Variants in TENM4 observed in about 807,000 individuals in gnomAD.
TENM4 encodes the protein teneurin transmembrane protein 4.
In TENM4, 82 loss-of-function variants were observed where a neutral mutation model predicts 243.3. That is an observed-to-expected ratio of 0.34 (90% CI 0.28 to 0.40). TENM4 has a LOEUF of 0.40. Among genes scored for constraint, TENM4 ranks in the 10% least tolerant of loss-of-function variants. TENM4 has a pLI of 1.00. For missense variants in TENM4, 3,138 were observed against 3,673.3 expected, an observed-to-expected ratio of 0.85 and a Z score of 3.77; for synonymous variants, 1,412 against 1,456.3, an observed-to-expected ratio of 0.97 and a Z score of 0.69.
intron 4 of TENM4, among the ~76,000 whole-genome samples, chr11:79,140,711 C>A (rs1048374829): frequency 1.3e-4 from 19 of 151,992 alleles, no homozygotes; most frequent in African/African-American, 3.4e-4. Context: ...AGAATAGAAG[C>A]CTTCGTTGTC....
At chr11:79,057,188 C>T (rs990043224) in intron 6 of TENM4, among the ~76,000 whole-genome samples, 1 of 152,170 alleles carries the variant, frequency 6.6e-6, no homozygotes, top group African/African-American at 2.4e-5. Context: ...CTTCCAGAAT[C>T]ATCCTGTTCA....
chr11:78,880,414 C>G (rs1418691383), intron 9 of TENM4, among the ~76,000 whole-genome samples: 1 of 145,178 alleles, frequency 6.9e-6, no homozygotes, highest in Non-Finnish European at 1.5e-5. Flanking sequence ...GACCCTGCCA[C>G]ATCCCCCTCT....
intron 1 of TENM4, among the ~76,000 whole-genome samples, chr11:79,398,954 C>G (rs1858403089): frequency 6.6e-6 from 1 of 151,878 alleles, no homozygotes; most frequent in Non-Finnish European, 1.5e-5. Context: ...GCATTCCAAG[C>G]AGAAGGAACA....
Position 78,805,464 on chromosome 11 carries a change from G to C in TENM4, c.2007C>G (p.Gly669=). The change falls in exon 15 of 34, where the codon GGC becomes GGG. Residue 669 remains glycine, a synonymous_variant. Transcript: ENST00000278550. ...ATTCGCCTCTCACGCAGACACCCCG[G>C]CCTGAACATGTGGGGTCCATGCAGT... is the stretch of plus-strand genomic sequence containing the variant. The part of the protein sequence containing the change: ...EVDCMDPTCS[G]RGVCVRGECH... The C allele has an allele frequency of 6.3e-7, 1 of 1,588,402 alleles. No individual in the cohort carries two copies. The highest frequency in any genetic ancestry group is 8.6e-7 in the Non-Finnish European group (1 of 1,166,942).
In TENM4 at chr11:78,698,795, C is replaced by G. The variant is rs187680029; in HGVS notation, c.5087+2731G>C. Among the ~76,000 whole-genome samples, 9 of 152,334 alleles carry G rather than the reference C, an allele frequency of 5.9e-5. No homozygotes were observed. The East Asian group carries it at 1.5e-3, about 26-fold the overall frequency. Reference sequence around the variant, plus strand: ...GGGTCTGGAGGCCAGCTAGCCTGTCCCTGAGTCACATGGCTCGCAGCCAGT... The same window carrying G: ...GGGTCTGGAGGCCAGCTAGCCTGTCGCTGAGTCACATGGCTCGCAGCCAGT... On this transcript the variant is annotated intron_variant, in intron 28 of 33. Transcript: ENST00000278550.
intron 3 of TENM4, among the ~76,000 whole-genome samples, chr11:79,164,645 A>G (rs917141233): frequency 1.3e-4 from 20 of 148,874 alleles, no homozygotes; most frequent in African/African-American, 4.0e-4. Flanking sequence ...CTTGACTTGT[A>G]TCTCCCAGAA....
intron 15 of TENM4, among the ~76,000 whole-genome samples, chr11:78,802,618 C>G (rs1857302349): frequency 6.6e-6 from 1 of 152,256 alleles, no homozygotes; most frequent in Non-Finnish European, 1.5e-5. Context: ...CCCTCACCAG[C>G]ATGGCTCATG....
intron 32 of TENM4, among the ~76,000 whole-genome samples, chr11:78,663,409 G>C (rs764557471): frequency 6.6e-6 from 1 of 152,188 alleles, no homozygotes; most frequent in Non-Finnish European, 1.5e-5. Flanking sequence ...GTGGCCTAAT[G>C]GGGGGAGTTT....
intron 2 of TENM4, among the ~76,000 whole-genome samples, chr11:79,280,898 G>C (rs746943272): frequency 2.0e-5 from 3 of 152,062 alleles, no homozygotes; most frequent in Non-Finnish European, 4.4e-5. Flanking sequence ...TGGCCCACTC[G>C]GCAAAATAAA....
chr11:78,752,982 G>A (rs180843484), intron 19 of TENM4, among the ~76,000 whole-genome samples: 46 of 152,218 alleles, frequency 3.0e-4, no homozygotes, highest in African/African-American at 1.1e-3. Flanking sequence ...TGTACTTTTT[G>A]TTCCCATTTA....
At chr11:78,903,799 T>C (rs1434399685) in intron 6 of TENM4, 2 of 689,576 alleles carry the variant, frequency 2.9e-6, no homozygotes, top group Non-Finnish European at 5.3e-6. Context: ...TAAAAAAGAC[T>C]AGTTACCCAT....
At chr11:79,426,786 G>A (rs905791469) in intron 1 of TENM4, among the ~76,000 whole-genome samples, 18 of 152,164 alleles carry the variant, frequency 1.2e-4, no homozygotes, top group African/African-American at 1.7e-4. Flanking sequence ...GATGAGTTTC[G>A]GATGTGTTAG....
intron 17 of TENM4, among the ~76,000 whole-genome samples, chr11:78,777,105 A>G (rs922312791): frequency 4.6e-5 from 7 of 152,236 alleles, no homozygotes; most frequent in Admixed American, 4.6e-4. Flanking sequence ...AACTTCACAT[A>G]GTAGGAAAAT....
At chr11:78,872,245 C>G (rs955399442) in intron 9 of TENM4, among the ~76,000 whole-genome samples, 1 of 152,142 alleles carries the variant, frequency 6.6e-6, no homozygotes, top group East Asian at 1.9e-4. Flanking sequence ...GACAAAAATG[C>G]AGCTTTTGTC....
chr11:78,807,464 T>C (rs770783428), intron 14 of TENM4, among the ~76,000 whole-genome samples: 8 of 152,210 alleles, frequency 5.3e-5, no homozygotes, highest in Admixed American at 1.3e-4. Flanking sequence ...ACCTCTAATC[T>C]TCTGCAAAGC....
At chr11:79,077,856 C>G (rs958237722) in intron 4 of TENM4, among the ~76,000 whole-genome samples, 11 of 152,154 alleles carry the variant, frequency 7.2e-5, no homozygotes, top group Non-Finnish European at 1.5e-4. Flanking sequence ...CTCGGAGGAC[C>G]TGGTAGGGAG....
intron 1 of TENM4, among the ~76,000 whole-genome samples, chr11:79,374,692 C>T (rs983694580): frequency 6.6e-6 from 1 of 151,934 alleles, no homozygotes; most frequent in East Asian, 1.9e-4. Context: ...AGTTTTTTCA[C>T]AGGCTCACTA....
chr11:79,244,562 C>G (rs1855480507), intron 2 of TENM4, among the ~76,000 whole-genome samples: 1 of 151,912 alleles, frequency 6.6e-6, no homozygotes, highest in Non-Finnish European at 1.5e-5. Context: ...GAGGACTCAC[C>G]CATAAAAAAG....
chr11:79,242,605 C>T (rs1033308100), intron 2 of TENM4, among the ~76,000 whole-genome samples: 10 of 152,310 alleles, frequency 6.6e-5, no homozygotes, highest in African/African-American at 2.4e-4. Context: ...TTCCCCATGT[C>T]ATTAAAAGCT....
Sources: gnomAD v4.1 joint callset for allele counts (sites outside exome capture counted in the v4.1 genomes callset) on GRCh38, gnomAD v4.1.1 for gene constraint, MANE v1.5 for transcripts, NCBI Gene and HGNC (gene_info 2026-07-23, HGNC 2026-07-21) for gene names.